The following MCCC1 variants were observed in gnomAD, a reference collection of about 807,000 sequenced individuals.
The protein encoded by MCCC1 is methylcrotonoyl-CoA carboxylase subunit alpha, mitochondrial.
MCCC1 carries 64 observed loss-of-function variants against 83.8 expected under a neutral mutation model. The ratio of observed to expected loss-of-function variants is 0.76; its 90% CI spans 0.62 to 0.94. The LOEUF (loss-of-function observed/expected upper bound fraction) is 0.94. Among genes scored for constraint, MCCC1 ranks in the 40% least tolerant of loss-of-function variants. The pLI is 0.00. For missense variants in MCCC1, 807 were observed against 904.7 expected (o/e 0.89, Z 1.39); for synonymous variants, 322 against 315.4 (o/e 1.02, Z -0.22).
intron 7 of MCCC1, among the ~76,000 whole-genome samples, chr3:183,058,011 G>GAATA (rs1715550656): frequency 6.6e-6 from 1 of 152,246 alleles, no homozygotes; most frequent in African/African-American, 2.4e-5. Flanking sequence ...ATGAATGAAT[G>GAATA]AATGAATAAA....
intron 1 of MCCC1, among the ~76,000 whole-genome samples, chr3:183,109,790 C>T (rs1719465377): frequency 6.6e-6 from 1 of 152,156 alleles, no homozygotes; most frequent in Non-Finnish European, 1.5e-5. Flanking sequence ...ATTGCTGGGT[C>T]ATATGGTAGT....
chr3:183,069,119 T>A (rs146804771), intron 7 of MCCC1, among the ~76,000 whole-genome samples: 51 of 152,330 alleles, frequency 3.3e-4, no homozygotes, highest in Non-Finnish European at 6.0e-4. Context: ...ACTTCTATAG[T>A]TCAAAAAATA....
At chr3:183,061,165 G>C (rs979102547) in intron 7 of MCCC1, among the ~76,000 whole-genome samples, 3 of 152,166 alleles carry the variant, frequency 2.0e-5, no homozygotes, top group Admixed American at 2.0e-4. Flanking sequence ...GGTAGGGTAT[G>C]GGGGAGGGAA....
At chr3:183,075,702 T>C (rs558353246) in intron 4 of MCCC1, among the ~76,000 whole-genome samples, 2 of 152,006 alleles carry the variant, frequency 1.3e-5, no homozygotes, top group South Asian at 2.1e-4. Flanking sequence ...CACCACGCCC[T>C]GCTAATCTTT....
intron 14 of MCCC1, chr3:183,029,207 A>G (rs1418328828): frequency 6.6e-6 from 1 of 152,208 alleles, no homozygotes; most frequent in Admixed American, 6.5e-5. Flanking sequence ...TTTGTGGGGT[A>G]GAATATACAG....
intron 4 of MCCC1, among the ~76,000 whole-genome samples, chr3:183,078,738 C>T (rs1225911221): frequency 6.6e-6 from 1 of 152,180 alleles, no homozygotes; most frequent in African/African-American, 2.4e-5. Context: ...TAGATAAATG[C>T]TCTTCTTTCA....
chr3:183,103,482 G>A (rs774553076), upstream of MCCC1, among the ~76,000 whole-genome samples: 1 of 152,108 alleles, frequency 6.6e-6, no homozygotes, highest in African/African-American at 2.4e-5. Context: ...AGATTAGCTA[G>A]ATACGGAGTA....
At chr3:183,091,367 A>C (rs1031582537) in intron 3 of MCCC1, among the ~76,000 whole-genome samples, 1 of 152,082 alleles carries the variant, frequency 6.6e-6, no homozygotes, top group Non-Finnish European at 1.5e-5. Context: ...CAGGAGTTCG[A>C]GACCATTTTG....
intron 1 of MCCC1, among the ~76,000 whole-genome samples, chr3:183,109,644 C>A (rs976392507): frequency 6.6e-6 from 1 of 152,160 alleles, no homozygotes; most frequent in Non-Finnish European, 1.5e-5. Context: ...ATTTTCTTTT[C>A]CAGTCCACTG....
chr3:183,019,134 C>T (rs1046865912), intron 17 of MCCC1, among the ~76,000 whole-genome samples: 1 of 152,284 alleles, frequency 6.6e-6, no homozygotes, highest in African/African-American at 2.4e-5. Context: ...ATCACCCACA[C>T]TATTTAAGTA....
intron 1 of MCCC1, among the ~76,000 whole-genome samples, chr3:183,107,428 G>T (rs901384287): frequency 1.4e-5 from 2 of 141,550 alleles, no homozygotes; most frequent in South Asian, 4.2e-4. Flanking sequence ...AAAAGAAAAA[G>T]AAAAAGAAAA....
intron 1 of MCCC1, among the ~76,000 whole-genome samples, chr3:183,096,335 CA>C (rs1013597616): frequency 1.4e-4 from 21 of 145,132 alleles, no homozygotes; most frequent in East Asian, 1.4e-3. Context: ...GACTCCATCT[CA>C]AAAAAAAAAA....
At position 183,115,001 on chromosome 3, in the gene MCCC1, C is replaced by T. The variant is rs769859381; in HGVS notation, c.-102+473G>A. Among the ~76,000 whole-genome samples the T allele has an allele frequency of 7.2e-5, 11 of 152,176 alleles. No homozygotes were observed. The East Asian group carries it at 1.7e-3, about 24-fold the overall frequency. ...CCCGGCTCGTGGTGCTAAATGCTGC[C>T]GCCTGGCTTTGTTTCAGGGGACCCA... On this transcript the variant is annotated intron_variant, in intron 1 of 17. Coordinates refer to the MCCC1 transcript ENST00000492597.
chr3:183,112,369 T>G, intron 1 of MCCC1, among the ~76,000 whole-genome samples: 1 of 152,212 alleles, frequency 6.6e-6, no homozygotes, highest in East Asian at 1.9e-4. Flanking sequence ...GGCCATGTGC[T>G]TTCTATCCTG....
chr3:183,043,650 C>T (rs1279203508), intron 10 of MCCC1, among the ~76,000 whole-genome samples: 1 of 152,178 alleles, frequency 6.6e-6, no homozygotes, highest in African/African-American at 2.4e-5. Context: ...TGCCAAATGC[C>T]TTGAACTCTA....
intron 4 of MCCC1, among the ~76,000 whole-genome samples, chr3:183,078,330 T>C (rs1015749915): frequency 2.6e-5 from 4 of 152,216 alleles, no homozygotes; most frequent in Admixed American, 2.0e-4. Flanking sequence ...ATAATGAGTT[T>C]TGAAACAGAG....
intron 1 of MCCC1, among the ~76,000 whole-genome samples, chr3:183,111,196 G>A (rs534206731): frequency 3.3e-5 from 5 of 152,228 alleles, no homozygotes; most frequent in South Asian, 2.1e-4. Flanking sequence ...CTGGATTTCC[G>A]CTTCTGTCAA....
chr3:183,055,828 T>C (rs761343125), intron 8 of MCCC1, among the ~76,000 whole-genome samples: 2 of 151,188 alleles, frequency 1.3e-5, no homozygotes, highest in Non-Finnish European at 3.0e-5. Context: ...AGCCCAGGAG[T>C]TGGAGACTGC....
In MCCC1 at chr3:183,042,981, T is replaced by C. The variant is rs543379139; in HGVS notation, c.1084-1231A>G. 2.6e-5 allele frequency among the ~76,000 whole-genome samples: 4 copies of C among 152,320 alleles called. No individual in the cohort carries two copies. In the East Asian group the frequency reaches 7.7e-4, roughly 29 times the overall value. On this transcript the variant is annotated intron_variant, in intron 10 of 18. Coordinates refer to ENST00000265594, the MANE Select transcript of MCCC1 (RefSeq NM_020166.5). ...TGTTCACAATAGACTTGGAACCAGT[T>C]TTTTAACGTTTTAATAAATAATTCT...
Sources: allele counts gnomAD v4.1 joint callset (sites outside exome capture counted in the v4.1 genomes callset), GRCh38; gene constraint gnomAD v4.1.1; transcripts MANE v1.5; gene names NCBI Gene and HGNC (gene_info 2026-07-23, HGNC 2026-07-21).